Variants in THADA observed in about 807,000 individuals in gnomAD.
The protein encoded by THADA is tRNA (32-2'-O)-methyltransferase regulator THADA.
In THADA, 213 loss-of-function variants were observed where a neutral mutation model predicts 219.8. The observed-to-expected ratio is 0.97, with a 90% confidence interval of 0.87 to 1.09. The LOEUF is 1.09. Among genes scored for constraint, THADA ranks in the 50% least tolerant of loss-of-function variants. The pLI is 0.00. For missense variants in THADA, 2,956 were observed against 2,311.3 expected (o/e 1.28, Z -5.72); for synonymous variants, 1,018 against 828.9 (o/e 1.23, Z -3.92).
rs548573705 is a variant in THADA at position 43,556,171 on chromosome 2, T to TATTATAGC, written c.2674+166_2674+173dup. ...CATAAATCCACTGTTTAGAAAAAAG[T>TATTATAGC]ATTATAGCTGACTAAAATGTTCATT... On this transcript the variant is annotated intron_variant, in intron 17 of 37. Coordinates refer to ENST00000405975, the MANE Select transcript of THADA (RefSeq NM_022065.5). 2.3e-6 allele frequency: 3 copies of TATTATAGC among 1,318,316 alleles called. No individual in the cohort carries two copies. In the African/African-American group the frequency reaches 4.5e-5, roughly 20 times the overall value. The allele number at this position is 1,318,316 out of a possible 1,614,324, so 81.7% of individuals were successfully genotyped here.
rs755225126 is a variant in THADA, at chr2:43,498,866, A to T, written c.3711T>A (p.Ala1237=). 1 of 1,612,804 alleles carries T rather than the reference A, an allele frequency of 6.2e-7. No homozygotes were observed. Among genetic ancestry groups the T allele is most frequent in the Non-Finnish European group, 8.5e-7 (1 of 1,179,466 alleles). The change falls in exon 25 of 38, where the codon GCT becomes GCA. Residue 1237 remains alanine (A), a synonymous_variant. Coordinates refer to ENST00000405975, the MANE Select transcript of THADA (RefSeq NM_022065.5). ...CCGGTGATGTAAAACCCAGAATTGC[A>T]GCCTTAGCTCCATCAGCAACATAAG... ...IIPYVADGAK[A]AILGFTSPVW...
chr2:43,368,475 C>A (rs1670423340), intron 29 of THADA, among the ~76,000 whole-genome samples: 1 of 152,120 alleles, frequency 6.6e-6, no homozygotes, highest in South Asian at 2.1e-4. Context: ...TAGCTCACTG[C>A]AGCCTTGATC....
At chr2:43,313,093 T>G (rs146405426) in intron 31 of THADA, among the ~76,000 whole-genome samples, 1 of 152,218 alleles carries the variant, frequency 6.6e-6, no homozygotes, top group Non-Finnish European at 1.5e-5. Flanking sequence ...ACTGACCTAT[T>G]TATTCATGTC....
intron 29 of THADA, chr2:43,370,336 T>A (rs1330463301): frequency 6.6e-6 from 1 of 152,234 alleles, no homozygotes; most frequent in Non-Finnish European, 1.5e-5. Context: ...CTGTGTTCTT[T>A]CCACCATCAT....
chr2:43,271,123 G>A (rs1311159957), intron 36 of THADA, among the ~76,000 whole-genome samples: 2 of 152,192 alleles, frequency 1.3e-5, no homozygotes, highest in South Asian at 2.1e-4. Flanking sequence ...CAACTGACAA[G>A]TATCCACCTG....
At chr2:43,408,605 T>C (rs1675890857) in intron 28 of THADA, among the ~76,000 whole-genome samples, 1 of 152,204 alleles carries the variant, frequency 6.6e-6, no homozygotes, top group African/African-American at 2.4e-5. Context: ...AGGCTACTTT[T>C]AAGACATCCT....
At chr2:43,450,823 G>T (rs1162335412) in intron 26 of THADA, among the ~76,000 whole-genome samples, 1 of 152,128 alleles carries the variant, frequency 6.6e-6, no homozygotes, top group Non-Finnish European at 1.5e-5. Flanking sequence ...AGACAGCAGG[G>T]GTGGCTATAA....
At chr2:43,367,370 A>T (rs750755736) in intron 29 of THADA, among the ~76,000 whole-genome samples, 1 of 152,182 alleles carries the variant, frequency 6.6e-6, no homozygotes, top group Non-Finnish European at 1.5e-5. Context: ...AAAATTCCCT[A>T]CACTCAAGTC....
intron 29 of THADA, among the ~76,000 whole-genome samples, chr2:43,361,806 A>G (rs945370353): frequency 1.6e-4 from 24 of 152,228 alleles, no homozygotes; most frequent in African/African-American, 5.3e-4. Context: ...CCTTTTTATC[A>G]TAAGTTAAAT....
chr2:43,310,066 G>A (rs1180872841), intron 31 of THADA, among the ~76,000 whole-genome samples: 1 of 152,098 alleles, frequency 6.6e-6, no homozygotes. Flanking sequence ...AAATTAAAGA[G>A]ACCTAAATAA....
At chr2:43,554,836 T>C (rs1697157452) in intron 17 of THADA, among the ~76,000 whole-genome samples, 1 of 152,184 alleles carries the variant, frequency 6.6e-6, no homozygotes, top group African/African-American at 2.4e-5. Context: ...ACAGGCTAAG[T>C]ACTCCTTATC....
chr2:43,349,927 GTT>G (rs1668059394), intron 29 of THADA, among the ~76,000 whole-genome samples: 1 of 152,140 alleles, frequency 6.6e-6, no homozygotes, highest in South Asian at 2.1e-4. Context: ...ATTTTGCCTA[GTT>G]TTCTCCCTGC....
At chr2:43,414,374 G>A (rs559789808) in intron 28 of THADA, among the ~76,000 whole-genome samples, 2 of 152,244 alleles carry the variant, frequency 1.3e-5, no homozygotes, top group South Asian at 4.2e-4. Flanking sequence ...TCATTCATTG[G>A]TTGATACTCA....
chr2:43,563,795 A>G (rs552167550), intron 15 of THADA: 3 of 152,280 alleles, frequency 2.0e-5, no homozygotes, highest in African/African-American at 7.2e-5. Flanking sequence ...GAAGTTCTTG[A>G]GATGATAATG....
At chr2:43,584,831 C>A (rs1021817128) in intron 7 of THADA, among the ~76,000 whole-genome samples, 19 of 152,112 alleles carry the variant, frequency 1.2e-4, no homozygotes, top group African/African-American at 4.3e-4. Context: ...AGACTGAATA[C>A]CTCCGAGCCA....
intron 28 of THADA, among the ~76,000 whole-genome samples, chr2:43,427,220 C>A (rs777751555): frequency 6.6e-6 from 1 of 152,144 alleles, no homozygotes; most frequent in Non-Finnish European, 1.5e-5. Context: ...GTCCTGACAT[C>A]CTCTCGAACC....
chr2:43,255,429 T>A (rs557654662), intron 36 of THADA, among the ~76,000 whole-genome samples: 1 of 152,336 alleles, frequency 6.6e-6, no homozygotes, highest in East Asian at 1.9e-4. Flanking sequence ...GAGGCTTTGA[T>A]CCTGTTCCTG....
chr2:43,513,392 C>T (rs943424856), intron 22 of THADA, among the ~76,000 whole-genome samples: 3 of 152,268 alleles, frequency 2.0e-5, no homozygotes, highest in Admixed American at 6.5e-5. Context: ...AACAGAAATG[C>T]AAAGTAGTGA....
chr2:43,442,791 T>C (rs1681014156), intron 26 of THADA, among the ~76,000 whole-genome samples: 1 of 152,162 alleles, frequency 6.6e-6, no homozygotes, highest in South Asian at 2.1e-4. Flanking sequence ...CAGATTTCTG[T>C]AGGTTAAGGA....
Sources: allele counts gnomAD v4.1 joint callset (sites outside exome capture counted in the v4.1 genomes callset), GRCh38; gene constraint gnomAD v4.1.1; transcripts MANE v1.5; gene names NCBI Gene and HGNC (gene_info 2026-07-23, HGNC 2026-07-21).